Variants in CNTN5 observed in about 807,000 individuals in gnomAD.
CNTN5 encodes contactin 5.
In CNTN5, 77 loss-of-function variants were observed where a neutral mutation model predicts 129.1. The observed-to-expected ratio is 0.60, with a 90% CI of 0.50 to 0.72. The LOEUF is 0.72. Among genes scored for constraint, CNTN5 ranks in the 30% least tolerant of loss-of-function variants. The probability of loss-of-function intolerance (pLI) is 0.00; values close to 1 mark genes in which losing one functional copy is unlikely to be tolerated. For synonymous variants in CNTN5, 509 were observed against 465.6 expected (o/e 1.09, Z -1.20); for missense variants, 1,478 against 1,328.8 (o/e 1.11, Z -1.75).
intron 13 of CNTN5, among the ~76,000 whole-genome samples, chr11:100,170,290 A>T (rs934014242): frequency 6.6e-6 from 1 of 151,968 alleles, no homozygotes; most frequent in African/African-American, 2.4e-5. Flanking sequence ...TCTGTGTATG[A>T]TTTTGTTTGC....
chr11:100,176,461 A>G (rs1267072635), intron 13 of CNTN5, among the ~76,000 whole-genome samples: 1 of 152,156 alleles, frequency 6.6e-6, no homozygotes, highest in Non-Finnish European at 1.5e-5. Flanking sequence ...GCCCTTAAAA[A>G]TGTTGAAACT....
At chr11:99,843,053 A>G (rs1047727708) in intron 4 of CNTN5, among the ~76,000 whole-genome samples, 1 of 152,176 alleles carries the variant, frequency 6.6e-6, no homozygotes, top group African/African-American at 2.4e-5. Context: ...CAACATGGCA[A>G]AAACCTGTCT....
intron 13 of CNTN5, among the ~76,000 whole-genome samples, chr11:100,164,097 A>G (rs1051639005): frequency 1.3e-5 from 2 of 151,944 alleles, no homozygotes; most frequent in South Asian, 4.1e-4. Context: ...TAAACTGCTA[A>G]TGTTATTACT....
rs77185492 is a variant in CNTN5, at chr11:99,496,152, C to T, written c.-70-59993C>T. ...TTCTTTATACATGCTTATTAAATCA[C>T]AATAATAGAAGTAATCATGCATCTA... On this transcript the variant is annotated intron_variant, in intron 2 of 24. Coordinates refer to ENST00000524871, the MANE Select transcript of CNTN5 (RefSeq NM_014361.4). 6.3e-3 allele frequency among the ~76,000 whole-genome samples: 957 copies of T among 152,170 alleles called. 8 individuals are homozygous for T. The highest frequency in any genetic ancestry group is 0.022 in the African/African-American group (901 of 41,504).
intron 2 of CNTN5, among the ~76,000 whole-genome samples, chr11:99,489,953 C>T (rs1945971775): frequency 6.6e-6 from 1 of 151,972 alleles, no homozygotes; most frequent in Non-Finnish European, 1.5e-5. Context: ...GAAACAAGTG[C>T]CTTGATCTTA....
chr11:100,004,330 T>C (rs897109756), intron 9 of CNTN5, among the ~76,000 whole-genome samples: 3 of 152,278 alleles, frequency 2.0e-5, no homozygotes, highest in African/African-American at 7.2e-5. Context: ...TTGCACTTGC[T>C]GTTTCTTACA....
At chr11:99,181,767 A>T (rs1191424999) in intron 1 of CNTN5, among the ~76,000 whole-genome samples, 4 of 152,078 alleles carry the variant, frequency 2.6e-5, no homozygotes, top group Admixed American at 6.5e-5. Flanking sequence ...TGGACACTGT[A>T]CCCATATTTT....
At chr11:100,093,940 A>G (rs931080101) in intron 13 of CNTN5, among the ~76,000 whole-genome samples, 4 of 152,084 alleles carry the variant, frequency 2.6e-5, no homozygotes, top group South Asian at 2.1e-4. Context: ...AACAGGAGAA[A>G]GTTTCACTCT....
At chr11:99,030,080 C>T (rs760474670) in intron 1 of CNTN5, among the ~76,000 whole-genome samples, 1 of 152,146 alleles carries the variant, frequency 6.6e-6, no homozygotes, top group Non-Finnish European at 1.5e-5. Flanking sequence ...ACAAAAAGAG[C>T]ATGGGCTTCT....
intron 15 of CNTN5, among the ~76,000 whole-genome samples, chr11:100,217,146 T>C (rs1393699540): frequency 6.6e-6 from 1 of 152,246 alleles, no homozygotes; most frequent in Non-Finnish European, 1.5e-5. Flanking sequence ...AGCTGGTTGT[T>C]ACCTCTAACA....
chr11:100,260,698 A>G (rs1950176812), intron 17 of CNTN5, among the ~76,000 whole-genome samples: 2 of 152,208 alleles, frequency 1.3e-5, no homozygotes, highest in African/African-American at 2.4e-5. Flanking sequence ...CAAAAACCAC[A>G]TGATTATCTC....
chr11:99,361,182 A>G (rs1939085693), intron 2 of CNTN5, among the ~76,000 whole-genome samples: 1 of 152,190 alleles, frequency 6.6e-6, no homozygotes, highest in South Asian at 2.1e-4. Context: ...GACCTCTTAG[A>G]AAAGCTTTAA....
At chr11:99,807,239 C>G (rs960848764) in intron 3 of CNTN5, among the ~76,000 whole-genome samples, 1 of 152,072 alleles carries the variant, frequency 6.6e-6, no homozygotes, top group Non-Finnish European at 1.5e-5. Flanking sequence ...ATGATGCTAA[C>G]AGGAGTCTAA....
intron 13 of CNTN5, among the ~76,000 whole-genome samples, chr11:100,103,445 G>C (rs1945295984): frequency 6.6e-6 from 1 of 152,104 alleles, no homozygotes; most frequent in African/African-American, 2.4e-5. Context: ...ATGGGAATTT[G>C]AACAGTTATT....
At chr11:99,023,326 A>G (rs1862970053) in intron 1 of CNTN5, among the ~76,000 whole-genome samples, 2 of 152,194 alleles carry the variant, frequency 1.3e-5, no homozygotes, top group Middle Eastern at 3.2e-3. Context: ...TTTGGCTGAT[A>G]TGTATTTCTT....
Position 99,815,471 on chromosome 11 carries a change from A to T in CNTN5, c.56-4073A>T, listed in dbSNP as rs1487639947. 2.0e-5 allele frequency among the ~76,000 whole-genome samples: 3 copies of T among 152,158 alleles called. No homozygotes were observed. In the South Asian group the frequency reaches 6.2e-4, roughly 31 times the overall value. On this transcript the variant is annotated intron_variant, in intron 3 of 24. Coordinates refer to ENST00000524871, the MANE Select transcript of CNTN5 (RefSeq NM_014361.4). Reference sequence around the variant, plus strand: ...TCCCTGAGAGAGGAGGAGACCCCACAATACTGTAAATCAGTTGCACTAAGA... The same window carrying T: ...TCCCTGAGAGAGGAGGAGACCCCACTATACTGTAAATCAGTTGCACTAAGA...
intron 1 of CNTN5, among the ~76,000 whole-genome samples, chr11:99,304,896 T>C (rs1864805516): frequency 6.6e-6 from 1 of 152,108 alleles, no homozygotes; most frequent in Non-Finnish European, 1.5e-5. Context: ...CTTGACTAAA[T>C]AAATAAGTAG....
intron 3 of CNTN5, among the ~76,000 whole-genome samples, chr11:99,585,168 T>A (rs1406380604): frequency 6.6e-6 from 1 of 152,244 alleles, no homozygotes; most frequent in East Asian, 1.9e-4. Context: ...ATTTTAATTT[T>A]ACAGTATGAA....
At chr11:100,089,262 A>C (rs1944664888) in intron 13 of CNTN5, among the ~76,000 whole-genome samples, 1 of 151,998 alleles carries the variant, frequency 6.6e-6, no homozygotes, top group Non-Finnish European at 1.5e-5. Context: ...GATTGCAAAA[A>C]TTTCCTCCCA....
Sources: allele counts gnomAD v4.1 joint callset (sites outside exome capture counted in the v4.1 genomes callset), GRCh38; gene constraint gnomAD v4.1.1; transcripts MANE v1.5; gene names NCBI Gene and HGNC (gene_info 2026-07-23, HGNC 2026-07-21).